SIPA1L2: variants seen among roughly 807,000 people sequenced by gnomAD.
The protein encoded by SIPA1L2 is signal-induced proliferation-associated 1-like protein 2.
A neutral mutation model predicts 163.9 loss-of-function variants in SIPA1L2; 56 were observed. The observed-to-expected ratio is 0.34, with a 90% CI of 0.28 to 0.43. The LOEUF is 0.43. Ranked by LOEUF, SIPA1L2 falls within the 20% of genes least tolerant of loss-of-function variation. The pLI is 1.00. For missense variants in SIPA1L2, 1,974 were observed against 2,193.5 expected, an observed-to-expected ratio of 0.90 and a Z score of 2.00; for synonymous variants, 877 against 865.7, an observed-to-expected ratio of 1.01 and a Z score of -0.23.
At chr1:232,614,300 A>T (rs1440927333) in intron 1 of SIPA1L2, among the ~76,000 whole-genome samples, 2 of 152,178 alleles carry the variant, frequency 1.3e-5, no homozygotes, top group African/African-American at 2.4e-5. Context: ...CACATCTTAG[A>T]GGCATGTTAA....
chr1:232,546,939 T>C (rs1658064806), intron 2 of SIPA1L2, among the ~76,000 whole-genome samples: 1 of 152,132 alleles, frequency 6.6e-6, no homozygotes, highest in Non-Finnish European at 1.5e-5. Flanking sequence ...GGCAAAGGCA[T>C]TCCAGGTAGA....
intron 2 of SIPA1L2, among the ~76,000 whole-genome samples, chr1:232,556,739 T>A (rs1180032953): frequency 6.0e-4 from 83 of 139,320 alleles, no homozygotes; most frequent in Middle Eastern, 3.8e-3. Context: ...AAAAAAAAAA[T>A]GGAAGAGCTC....
intron 10 of SIPA1L2, among the ~76,000 whole-genome samples, chr1:232,453,745 G>C (rs924437624): frequency 7.3e-6 from 1 of 136,458 alleles, no homozygotes; most frequent in African/African-American, 2.9e-5. Context: ...AAAACACAAG[G>C]CTTTTTTTTT....
intron 2 of SIPA1L2, among the ~76,000 whole-genome samples, chr1:232,573,962 T>C (rs2251548): frequency 0.09 from 13,755 of 152,194 alleles, 673 homozygotes; most frequent in South Asian, 0.11. Flanking sequence ...TCCAGAGGCT[T>C]TGAAACTAGG....
intron 2 of SIPA1L2, among the ~76,000 whole-genome samples, chr1:232,548,553 A>T (rs1658185028): frequency 6.6e-6 from 1 of 152,232 alleles, no homozygotes; most frequent in Admixed American, 6.5e-5. Context: ...TTACTCTTTC[A>T]ATAAATATGT....
chr1:232,624,013 C>A (rs1049105499), intron 1 of SIPA1L2, among the ~76,000 whole-genome samples: 4 of 152,034 alleles, frequency 2.6e-5, no homozygotes, highest in African/African-American at 9.7e-5. Context: ...TATTAATCTT[C>A]TTAAAATGTA....
At chr1:232,572,924 G>A (rs1659878770) in intron 2 of SIPA1L2, among the ~76,000 whole-genome samples, 1 of 151,108 alleles carries the variant, frequency 6.6e-6, no homozygotes, top group South Asian at 2.1e-4. Flanking sequence ...GATTACAGGC[G>A]TGAGCCACCA....
At chr1:232,558,898 T>C (rs937724318) in intron 2 of SIPA1L2, among the ~76,000 whole-genome samples, 3 of 152,342 alleles carry the variant, frequency 2.0e-5, no homozygotes, top group South Asian at 4.1e-4. Flanking sequence ...CCTCTCAGGG[T>C]AGAAGTGTCA....
chr1:232,558,083 T>C (rs1658815988), intron 2 of SIPA1L2, among the ~76,000 whole-genome samples: 1 of 152,232 alleles, frequency 6.6e-6, no homozygotes, highest in South Asian at 2.1e-4. Flanking sequence ...GGAAAGCCAG[T>C]TGCCATAGGC....
At chr1:232,619,576 A>T (rs1018056218) in intron 1 of SIPA1L2, among the ~76,000 whole-genome samples, 1 of 152,252 alleles carries the variant, frequency 6.6e-6, no homozygotes, top group African/African-American at 2.4e-5. Context: ...TCCGAGGACT[A>T]AATTCTAAGA....
chr1:232,471,275 T>C, intron 8 of SIPA1L2, 96 bp downstream of exon 8: 1 of 1,321,896 alleles, frequency 7.6e-7, no homozygotes, highest in South Asian at 1.3e-5. Flanking sequence ...AATCACAAAG[T>C]TGCAAATAAT....
chr1:232,630,313 G>T (rs1195388565), upstream of SIPA1L2, among the ~76,000 whole-genome samples: 3 of 151,880 alleles, frequency 2.0e-5, no homozygotes, highest in Non-Finnish European at 4.4e-5. Context: ...CTGTTCCCAG[G>T]CCCCGCGGCG....
chr1:232,417,849 G>A (rs921787137), intron 18 of SIPA1L2, among the ~76,000 whole-genome samples: 5 of 152,290 alleles, frequency 3.3e-5, no homozygotes, highest in Admixed American at 6.5e-5. Flanking sequence ...TGGGCTCTTC[G>A]GGAAACGGTG....
chr1:232,627,525 A>AG (rs1410019653), intron 1 of SIPA1L2, among the ~76,000 whole-genome samples: 1 of 151,474 alleles, frequency 6.6e-6, no homozygotes, highest in African/African-American at 2.4e-5. Context: ...TTGCGGGGTG[A>AG]GGGGGAGAAA....
chr1:232,462,459 T>C (rs1320358482), intron 9 of SIPA1L2: 4 of 1,160,144 alleles, frequency 3.4e-6, no homozygotes, highest in African/African-American at 3.1e-5. Context: ...CACCACTGTG[T>C]CTGATGTTTC....
chr1:232,459,969 G>A (rs575227936), intron 10 of SIPA1L2, among the ~76,000 whole-genome samples: 1 of 152,292 alleles, frequency 6.6e-6, no homozygotes, highest in East Asian at 1.9e-4. Context: ...GACTTAGAGA[G>A]AGTGTGTGAG....
intron 3 of SIPA1L2, among the ~76,000 whole-genome samples, chr1:232,505,258 T>C (rs909406862): frequency 3.5e-4 from 53 of 152,204 alleles, no homozygotes; most frequent in Admixed American, 1.1e-3. Context: ...GCTTTTATTT[T>C]AATTAAGTGG....
rs56208215 is a variant in SIPA1L2, at chr1:232,608,047, C to CAAAAAAAAAAAAAA, written c.-319+21808_-319+21821dup. On this transcript the variant is annotated intron_variant, in intron 1 of 22. Transcript: ENST00000674635. ...GGGCAACAAGAGCGAAACTCCATCT[C>CAAAAAAAAAAAAAA]AAAAAAAAAAAAAAAAAAAAAACGA... 3.5e-3 allele frequency among the ~76,000 whole-genome samples: 233 copies of CAAAAAAAAAAAAAA among 67,492 alleles called. 12 individuals carry two copies. The highest frequency in any genetic ancestry group is 0.018 in the Middle Eastern group (2 of 110). The allele number at this position is 67,492 out of a possible 152,430, so 44.3% of individuals were successfully genotyped here. A position where few individuals can be genotyped will look rare whatever the true frequency, so the allele number is the denominator to read the frequency against.
intron 2 of SIPA1L2, among the ~76,000 whole-genome samples, chr1:232,522,500 C>CTTT (rs5781702): frequency 5.6e-5 from 8 of 144,136 alleles, no homozygotes; most frequent in African/African-American, 1.5e-4. Flanking sequence ...AGCATTGTGC[C>CTTT]TTTTTTTTTT....
Sources: allele counts gnomAD v4.1 joint callset (sites outside exome capture counted in the v4.1 genomes callset), GRCh38; gene constraint gnomAD v4.1.1; transcripts MANE v1.5; gene names NCBI Gene and HGNC (gene_info 2026-07-23, HGNC 2026-07-21).